ENPP3: variants seen among roughly 807,000 people sequenced by gnomAD.
ENPP3 encodes ectonucleotide pyrophosphatase/phosphodiesterase family member 3.
A neutral mutation model predicts 117.8 loss-of-function variants in ENPP3; 104 were observed. That is an observed-to-expected ratio of 0.88 (90% confidence interval 0.75 to 1.04). ENPP3 has a LOEUF of 1.04. Among genes scored for constraint, ENPP3 ranks in the 50% least tolerant of loss-of-function variants. The probability of loss-of-function intolerance (pLI) is 0.00; values close to 1 mark genes in which losing one functional copy is unlikely to be tolerated. For missense variants in ENPP3, 1,026 were observed against 1,051.9 expected (o/e 0.98, Z 0.34); for synonymous variants, 380 against 349.9 (o/e 1.09, Z -0.96).
At chr6:131,678,375 T>C (rs1367073381) in intron 11 of ENPP3, among the ~76,000 whole-genome samples, 1 of 152,224 alleles carries the variant, frequency 6.6e-6, no homozygotes, top group East Asian at 1.9e-4. Flanking sequence ...ATTTAACATG[T>C]TATTGCCTCA....
intron 6 of ENPP3, among the ~76,000 whole-genome samples, chr6:131,658,751 A>G (rs766682763): frequency 1.3e-5 from 2 of 152,170 alleles, no homozygotes; most frequent in Non-Finnish European, 2.9e-5. Context: ...GGGCCTTAGC[A>G]AGGAGAATAT....
intron 3 of ENPP3, among the ~76,000 whole-genome samples, chr6:131,651,592 A>G (rs566417181): frequency 4.1e-4 from 62 of 152,316 alleles, no homozygotes; most frequent in Middle Eastern, 3.4e-3. Context: ...GCACAACTTG[A>G]GAAATGCTGT....
At chr6:131,680,663 A>T (rs774557009) in intron 11 of ENPP3, among the ~76,000 whole-genome samples, 1 of 152,204 alleles carries the variant, frequency 6.6e-6, no homozygotes, top group Non-Finnish European at 1.5e-5. Context: ...GCATACCTTT[A>T]TTCAGAGTTA....
chr6:131,685,060 A>G (rs1779122316), intron 12 of ENPP3, among the ~76,000 whole-genome samples: 1 of 152,202 alleles, frequency 6.6e-6, no homozygotes, highest in Non-Finnish European at 1.5e-5. Flanking sequence ...TTAGGATTAC[A>G]GGTGTGAGCC....
At chr6:131,662,853 C>A (rs1778532335) in intron 6 of ENPP3, among the ~76,000 whole-genome samples, 1 of 152,028 alleles carries the variant, frequency 6.6e-6, no homozygotes, top group Non-Finnish European at 1.5e-5. Flanking sequence ...TATACGTCTT[C>A]CTTAACTTCT....
intron 20 of ENPP3, among the ~76,000 whole-genome samples, chr6:131,730,741 C>T (rs551144727): frequency 1.0e-3 from 155 of 152,132 alleles, no homozygotes; most frequent in Middle Eastern, 6.8e-3. Context: ...ATGGCAAAAC[C>T]CTGTTTCTAC....
intron 2 of ENPP3, among the ~76,000 whole-genome samples, chr6:131,647,514 ATTAAT>A (rs1389176568): frequency 6.6e-6 from 1 of 152,108 alleles, no homozygotes; most frequent in Non-Finnish European, 1.5e-5. Context: ...GATTTTTTTA[ATTAAT>A]TTAAGATTTT....
intron 6 of ENPP3, among the ~76,000 whole-genome samples, chr6:131,670,098 T>A (rs567564486): frequency 1.3e-5 from 2 of 152,332 alleles, no homozygotes; most frequent in East Asian, 3.9e-4. Context: ...ACAATGAAGC[T>A]AAATTGCTGT....
chr6:131,716,322 A>G (rs1430108650), intron 15 of ENPP3, among the ~76,000 whole-genome samples: 1 of 152,190 alleles, frequency 6.6e-6, no homozygotes, highest in African/African-American at 2.4e-5. Context: ...CAAATTTCCA[A>G]AGTTTTTACT....
rs549952881 is a variant in ENPP3 at position 131,637,583 on chromosome 6, A to C, written c.78+121A>C. ...TGTAAACTTTTAAGTAACTGTATTC[A>C]GTATTATCCCTTATGAAAACTCTAA... is the stretch of plus-strand genomic sequence containing the variant. On this transcript the variant is annotated intron_variant, in intron 1 of 24. Transcript: ENST00000357639. The C allele has an allele frequency of 6.1e-6, 3 of 490,704 alleles. No individual in the cohort carries two copies. In the Admixed American group the frequency reaches 1.3e-4, roughly 21 times the overall value. The allele number at this position is 490,704 out of a possible 1,614,324, so 30.4% of individuals were successfully genotyped here.
At chr6:131,663,524 C>CAAAAAAA (rs766427836) in intron 6 of ENPP3, among the ~76,000 whole-genome samples, 1 of 83,600 alleles carries the variant, frequency 1.2e-5, no homozygotes, top group African/African-American at 4.4e-5. Context: ...CTGTCTCTAC[C>CAAAAAAA]AAAAAAAAAA....
At chr6:131,669,085 G>A (rs188062263) in intron 6 of ENPP3, among the ~76,000 whole-genome samples, 225 of 152,182 alleles carry the variant, frequency 1.5e-3, no homozygotes, top group African/African-American at 5.2e-3. Context: ...TCTGCCACCC[G>A]TTTCAAGGAT....
rs529814431 is a variant in ENPP3 at position 131,701,610 on chromosome 6, G to A, written c.1412+7986G>A. ...AAAAAATATATGCAGGCCGGGTGCG[G>A]TAGCTCACGCCTGTAATCCCAGCAC... On this transcript the variant is annotated intron_variant, in intron 15 of 24. Coordinates refer to ENST00000357639, the MANE Select transcript of ENPP3 (RefSeq NM_005021.5). Among the ~76,000 whole-genome samples, 955 of 149,194 alleles carry A rather than the reference G, an allele frequency of 6.4e-3. 4 individuals carry two copies. The highest frequency in any genetic ancestry group is 0.023 in the African/African-American group (907 of 39,946).
In ENPP3 at chr6:131,696,844, A is replaced by G. The variant is rs569941337; in HGVS notation, c.1412+3220A>G. 2.1e-5 allele frequency among the ~76,000 whole-genome samples: 3 copies of G among 142,214 alleles called. No homozygotes were observed. In the East Asian group the frequency reaches 6.2e-4, roughly 29 times the overall value. The allele number at this position is 142,214 out of a possible 152,430, so 93.3% of individuals were successfully genotyped here. A position where few individuals can be genotyped will look rare whatever the true frequency, so the allele number is the denominator to read the frequency against. ...GAGTGCAGTGGCGCGATCTCGGCTC[A>G]TTGCAAGCTCCGCCTCCCAGGTTCA... On this transcript the variant is annotated intron_variant, in intron 15 of 24. Transcript: ENST00000357639.
At position 131,655,961 on chromosome 6, in the gene ENPP3, A is replaced by T. The variant is rs56843407; in HGVS notation, c.465-2362A>T. On this transcript the variant is annotated intron_variant, in intron 5 of 24. Transcript: ENST00000357639. ...CCTGCATGGAAAATGGACAATGATGATTCTGCTCACTATGAATAATAAGTG... is the reference window on the plus strand; with the variant it reads ...CCTGCATGGAAAATGGACAATGATGTTTCTGCTCACTATGAATAATAAGTG... Among the ~76,000 whole-genome samples, 866 of 152,304 alleles carry T rather than the reference A, an allele frequency of 5.7e-3. 7 individuals carry two copies. Among genetic ancestry groups the T allele is most frequent in the African/African-American group, 0.02 (839 of 41,568 alleles).
chr6:131,735,769 G>A (rs1022207842), intron 21 of ENPP3, among the ~76,000 whole-genome samples: 2 of 152,000 alleles, frequency 1.3e-5, no homozygotes, highest in African/African-American at 4.8e-5. Flanking sequence ...ATCTAAAATA[G>A]TCAAATTCAT....
intron 12 of ENPP3, among the ~76,000 whole-genome samples, chr6:131,684,117 C>T (rs1449837950): frequency 1.3e-5 from 2 of 152,186 alleles, no homozygotes; most frequent in South Asian, 4.1e-4. Context: ...GTAGATCCTT[C>T]CTAGCTAGGG....
chr6:131,723,827 T>TCTCACA lies in ENPP3; in HGVS notation c.1747-212_1747-211insTCACAC, dbSNP rs367662326. Among the ~76,000 whole-genome samples the TCTCACA allele has an allele frequency of 5.3e-3, 780 of 145,910 alleles. 4 individuals carry two copies. The highest frequency in any genetic ancestry group is 0.017 in the African/African-American group (671 of 38,544). On this transcript the variant is annotated intron_variant, in intron 18 of 24. Transcript: ENST00000357639. ...TTCTCTCTCTCTCTCTCTCTCTCTCTCACACACACACACACACACACACAC... is the reference window on the plus strand; with the variant it reads ...TTCTCTCTCTCTCTCTCTCTCTCTCTCTCACACACACACACACACACACACACACAC...
chr6:131,647,125 C>T (rs1260483019), intron 2 of ENPP3, among the ~76,000 whole-genome samples: 3 of 151,980 alleles, frequency 2.0e-5, no homozygotes, highest in East Asian at 3.9e-4. Flanking sequence ...CTGCCTGCCT[C>T]GGCCTCCCAA....
Sources: allele counts gnomAD v4.1 joint callset (sites outside exome capture counted in the v4.1 genomes callset), GRCh38; gene constraint gnomAD v4.1.1; transcripts MANE v1.5; gene names NCBI Gene and HGNC (gene_info 2026-07-23, HGNC 2026-07-21).